ANK3: variants seen among roughly 807,000 people sequenced by gnomAD.
ANK3 encodes the protein ankyrin-3.
Under a neutral mutation model 370.9 loss-of-function variants are expected in ANK3, and 57 were observed. That is an observed-to-expected ratio of 0.15 (90% CI 0.12 to 0.19). ANK3 has a LOEUF of 0.19. Among genes scored for constraint, ANK3 ranks in the 10% least tolerant of loss-of-function variants. ANK3 has a pLI of 1.00. For synonymous variants in ANK3, 1,929 were observed against 1,946.3 expected, an observed-to-expected ratio of 0.99 and a Z score of 0.23; for missense variants, 4,439 against 5,302.1, an observed-to-expected ratio of 0.84 and a Z score of 5.06.
chr10:60,394,644 C>T (rs1039653177), upstream of ANK3, among the ~76,000 whole-genome samples: 2 of 152,238 alleles, frequency 1.3e-5, no homozygotes, highest in South Asian at 2.1e-4. Flanking sequence ...GGAGATCCTC[C>T]GTTGCACACA....
At chr10:60,437,122 C>T (rs1044676202) in intron 2 of ANK3, among the ~76,000 whole-genome samples, 1 of 152,144 alleles carries the variant, frequency 6.6e-6, no homozygotes, top group African/African-American at 2.4e-5. Context: ...CTTGTTTGGG[C>T]ATTACAAATT....
chr10:60,494,759 G>A (rs561245691), intron 2 of ANK3, among the ~76,000 whole-genome samples: 14 of 152,096 alleles, frequency 9.2e-5, no homozygotes, highest in African/African-American at 3.1e-4. Context: ...ATGTTTCTGG[G>A]AACATGATTT....
intron 1 of ANK3, among the ~76,000 whole-genome samples, chr10:60,663,493 G>A (rs931093978): frequency 1.5e-5 from 2 of 130,892 alleles, no homozygotes; most frequent in South Asian, 2.3e-4. Flanking sequence ...TTAAGAGCAC[G>A]AAGGGAAAGC....
intron 2 of ANK3, among the ~76,000 whole-genome samples, chr10:60,583,082 C>T (rs965318879): frequency 1.3e-5 from 2 of 152,190 alleles, no homozygotes; most frequent in African/African-American, 4.8e-5. Flanking sequence ...CAGCACTATT[C>T]ACAATAGTCA....
chr10:60,359,493 A>G (rs1293711667), intron 1 of ANK3, among the ~76,000 whole-genome samples: 1 of 152,222 alleles, frequency 6.6e-6, no homozygotes, highest in Non-Finnish European at 1.5e-5. Flanking sequence ...AAAGCACCCT[A>G]TCATATACCA....
chr10:60,409,610 T>C (rs2063519788), intron 2 of ANK3, among the ~76,000 whole-genome samples: 1 of 152,124 alleles, frequency 6.6e-6, no homozygotes, highest in Non-Finnish European at 1.5e-5. Flanking sequence ...AACAGCTTGC[T>C]TTCCCACTGA....
At chr10:60,287,001 A>T (rs1388784452) in intron 1 of ANK3, among the ~76,000 whole-genome samples, 1 of 152,078 alleles carries the variant, frequency 6.6e-6, no homozygotes, top group African/African-American at 2.4e-5. Flanking sequence ...CTGGTGACAA[A>T]TGGGGAGAGG....
chr10:60,168,161 G>T (rs1043243446), intron 21 of ANK3, among the ~76,000 whole-genome samples: 6 of 152,220 alleles, frequency 3.9e-5, no homozygotes, highest in Non-Finnish European at 8.8e-5. Flanking sequence ...CAGTAGCTGG[G>T]ATTACAGACG....
At chr10:60,030,556 G>A (rs773308020) in intron 43 of ANK3, among the ~76,000 whole-genome samples, 6 of 152,124 alleles carry the variant, frequency 3.9e-5, no homozygotes, top group Non-Finnish European at 8.8e-5. Flanking sequence ...AACCATAGGA[G>A]GAACCTAAGT....
At chr10:60,194,839 T>C (rs2096558533) in intron 16 of ANK3, among the ~76,000 whole-genome samples, 1 of 152,216 alleles carries the variant, frequency 6.6e-6, no homozygotes, top group African/African-American at 2.4e-5. Flanking sequence ...TGATTTTGAA[T>C]TTTAGATTTC....
chr10:60,613,357 T>C (rs2078225964), intron 2 of ANK3, among the ~76,000 whole-genome samples: 2 of 152,188 alleles, frequency 1.3e-5, no homozygotes. Context: ...AAGACCTTTA[T>C]TTAACTATCT....
At chr10:60,051,890 C>A (rs1190627534) in intron 42 of ANK3, among the ~76,000 whole-genome samples, 2 of 151,786 alleles carry the variant, frequency 1.3e-5, no homozygotes, top group African/African-American at 4.9e-5. Flanking sequence ...TTAAATCATT[C>A]ATATTCCTTT....
chr10:60,135,789 T>C (rs16914791), intron 24 of ANK3, among the ~76,000 whole-genome samples: 9,302 of 152,174 alleles, frequency 0.061, 469 homozygotes, highest in East Asian at 0.23. Flanking sequence ...AGAAAGTGGG[T>C]ATCCTTTTAT....
At chr10:60,329,060 A>G (rs539709700) in intron 1 of ANK3, among the ~76,000 whole-genome samples, 125 of 152,328 alleles carry the variant, frequency 8.2e-4, no homozygotes, top group Non-Finnish European at 1.7e-3. Flanking sequence ...AGATGCAGAA[A>G]AGGCCTTCAA....
At chr10:60,592,834 A>T (rs1310017158) in intron 2 of ANK3, among the ~76,000 whole-genome samples, 1 of 152,184 alleles carries the variant, frequency 6.6e-6, no homozygotes, top group East Asian at 1.9e-4. Context: ...TTCCCCTCAC[A>T]CACTCCTTCT....
intron 1 of ANK3, among the ~76,000 whole-genome samples, chr10:60,296,794 T>TA (rs1200011141): frequency 6.6e-6 from 1 of 151,982 alleles, no homozygotes; most frequent in East Asian, 1.9e-4. Flanking sequence ...GGGCTGAACA[T>TA]AGTGGGGCCC....
At chr10:60,268,069 G>C (rs988734431) in intron 5 of ANK3, among the ~76,000 whole-genome samples, 6 of 152,124 alleles carry the variant, frequency 3.9e-5, no homozygotes, top group African/African-American at 1.4e-4. Flanking sequence ...CTACTCACAG[G>C]TGCAACCACA....
At chr10:60,205,149 T>C (rs1007783363) in intron 11 of ANK3, among the ~76,000 whole-genome samples, 1 of 152,180 alleles carries the variant, frequency 6.6e-6, no homozygotes, top group African/African-American at 2.4e-5. Context: ...TGATGGATCA[T>C]TTCTCTGAGT....
chr10:60,287,330 T>A (rs898332), intron 1 of ANK3, among the ~76,000 whole-genome samples: 1 of 152,170 alleles, frequency 6.6e-6, no homozygotes, highest in Non-Finnish European at 1.5e-5. Context: ...GGTCACTTTC[T>A]TTTTCCTCAT....
Sources: allele counts gnomAD v4.1 joint callset (sites outside exome capture counted in the v4.1 genomes callset), GRCh38; gene constraint gnomAD v4.1.1; transcripts MANE v1.5; gene names NCBI Gene and HGNC (gene_info 2026-07-23, HGNC 2026-07-21).